MCU: variants seen among roughly 807,000 people sequenced by gnomAD.
MCU encodes calcium uniporter protein, mitochondrial.
Under a neutral mutation model 45.2 loss-of-function variants are expected in MCU, and 12 were observed. That is an observed-to-expected ratio of 0.27 (90% CI 0.17 to 0.43). The LOEUF (loss-of-function observed/expected upper bound fraction) is 0.43, where lower values mean the gene tolerates loss of function less well. MCU is among the 20% of genes least tolerant of loss of function. The pLI is 1.00. For synonymous variants in MCU, 160 were observed against 165.1 expected (o/e 0.97, Z 0.24); for missense variants, 324 against 436.7 (o/e 0.74, Z 2.30).
At chr10:72,795,276 A>T (rs546933779) in intron 1 of MCU, among the ~76,000 whole-genome samples, 2 of 152,224 alleles carry the variant, frequency 1.3e-5, no homozygotes, top group South Asian at 4.2e-4. Context: ...CACCTTCCTC[A>T]GGCCCACCCT....
rs568604718 is a variant in MCU, at chr10:72,713,315, TG to T, written c.150+21015del. Among the ~76,000 whole-genome samples the T allele has an allele frequency of 3.2e-3, 482 of 152,350 alleles. 5 individuals are homozygous for T. Among genetic ancestry groups the T allele is most frequent in the Non-Finnish European group, 4.8e-3 (327 of 68,034 alleles). On this transcript the variant is annotated intron_variant, in intron 1 of 7. Transcript: ENST00000373053. ...TGTTTTTGAGACGAAGTCTCACTCT[TG>T]TTCTCTAGGCTGGAATGCAGTGGCG...
At chr10:72,696,185 A>ATTT (rs1554818423) in intron 1 of MCU, among the ~76,000 whole-genome samples, 12 of 109,974 alleles carry the variant, frequency 1.1e-4, no homozygotes, top group Non-Finnish European at 1.7e-4. Context: ...AAAAAAAAAA[A>ATTT]TTTTTTTTTT....
intron 2 of MCU, among the ~76,000 whole-genome samples, chr10:72,841,982 A>C (rs373072245): frequency 2.0e-5 from 3 of 152,218 alleles, no homozygotes; most frequent in Non-Finnish European, 4.4e-5. Flanking sequence ...TGAGTAATCT[A>C]ATTCAAGACC....
chr10:72,759,080 G>A (rs978632994), intron 1 of MCU, among the ~76,000 whole-genome samples: 2 of 152,090 alleles, frequency 1.3e-5, no homozygotes, highest in African/African-American at 4.8e-5. Flanking sequence ...TAGTACTTCT[G>A]TTCATCTGTA....
At chr10:72,849,331 G>A (rs910819946) in intron 2 of MCU, among the ~76,000 whole-genome samples, 3 of 151,716 alleles carry the variant, frequency 2.0e-5, no homozygotes, top group African/African-American at 7.3e-5. Flanking sequence ...TAAGATATGA[G>A]GAATGTCAGA....
intron 1 of MCU, among the ~76,000 whole-genome samples, chr10:72,791,073 G>A (rs1021286940): frequency 6.6e-6 from 1 of 152,104 alleles, no homozygotes; most frequent in Non-Finnish European, 1.5e-5. Flanking sequence ...GTTGGGGAGA[G>A]GGGTGGCAAA....
At chr10:72,724,092 T>A (rs1843064544) in intron 1 of MCU, among the ~76,000 whole-genome samples, 1 of 152,244 alleles carries the variant, frequency 6.6e-6, no homozygotes, top group African/African-American at 2.4e-5. Flanking sequence ...ACTATATTTT[T>A]AAAAAATCAA....
rs1221272053 is a variant in MCU at position 72,730,307 on chromosome 10, CT to C, written c.150+38025del. ...GTTCTCCTATTGGTCCTTTCTTTTT[CT>C]TTTTTTTTTTTTTTTTTTGAGACGG... is the stretch of plus-strand genomic sequence containing the variant. On this transcript the variant is annotated intron_variant, in intron 1 of 7. Transcript: ENST00000373053. 8.3e-3 allele frequency among the ~76,000 whole-genome samples: 1,036 copies of C among 124,228 alleles called. 3 individuals carry two copies. Among genetic ancestry groups the C allele is most frequent in the African/African-American group, 0.02 (639 of 32,760 alleles). The allele number at this position is 124,228 out of a possible 152,430, so 81.5% of individuals were successfully genotyped here.
chr10:72,785,642 C>T (rs1009168776), intron 1 of MCU, among the ~76,000 whole-genome samples: 7 of 152,142 alleles, frequency 4.6e-5, no homozygotes, highest in Non-Finnish European at 7.4e-5. Flanking sequence ...GTAAAATTCT[C>T]CTGCTGGCTC....
At chr10:72,829,393 T>C (rs1441586781) in intron 1 of MCU, among the ~76,000 whole-genome samples, 2 of 151,370 alleles carry the variant, frequency 1.3e-5, no homozygotes, top group African/African-American at 2.4e-5. Flanking sequence ...ACTTTCTAAA[T>C]AATTAACTTT....
intron 1 of MCU, among the ~76,000 whole-genome samples, chr10:72,805,504 C>T (rs1196297213): frequency 6.6e-6 from 1 of 152,066 alleles, no homozygotes; most frequent in Non-Finnish European, 1.5e-5. Context: ...ACCTCAGCCT[C>T]CCAAAGTACT....
chr10:72,780,489 G>A (rs1341156699), intron 1 of MCU, among the ~76,000 whole-genome samples: 3 of 108,842 alleles, frequency 2.8e-5, no homozygotes, highest in East Asian at 1.1e-3. Context: ...TTATTTTAAT[G>A]TTCTGAAGTA....
At chr10:72,719,020 G>T (rs1283386145) in intron 1 of MCU, among the ~76,000 whole-genome samples, 2 of 152,148 alleles carry the variant, frequency 1.3e-5, no homozygotes, top group Non-Finnish European at 2.9e-5. Context: ...CTCCTGGGGT[G>T]CTAGTAATGT....
At chr10:72,860,213 C>A in intron 3 of MCU, 3 of 534,394 alleles carry the variant, frequency 5.6e-6, no homozygotes, top group Non-Finnish European at 1.0e-5. Context: ...ATATAGTTCA[C>A]AGGAAAAGCT....
At chr10:72,708,278 C>T (rs999422807) in intron 1 of MCU, 1 of 151,910 alleles carries the variant, frequency 6.6e-6, no homozygotes, top group Admixed American at 6.6e-5. Flanking sequence ...TCCAAATTGC[C>T]GAAGGGAGTG....
chr10:72,693,680 A>G (rs1842653251), intron 1 of MCU, among the ~76,000 whole-genome samples: 1 of 152,146 alleles, frequency 6.6e-6, no homozygotes, highest in South Asian at 2.1e-4. Flanking sequence ...ACCTCTTTTT[A>G]TTTGGCATAC....
At chr10:72,693,018 G>A (rs1328617535) in intron 1 of MCU, 2 of 1,536,166 alleles carry the variant, frequency 1.3e-6, no homozygotes, top group Non-Finnish European at 1.7e-6. Context: ...GTGTTCACGC[G>A]TGCCTGAAGC....
intron 1 of MCU, among the ~76,000 whole-genome samples, chr10:72,787,330 G>A (rs569068982): frequency 1.3e-5 from 2 of 152,274 alleles, no homozygotes; most frequent in South Asian, 2.1e-4. Context: ...GTGGAGTGGC[G>A]CAATCCCAGC....
At chr10:72,812,395 C>G (rs917652897) in intron 1 of MCU, among the ~76,000 whole-genome samples, 1 of 152,222 alleles carries the variant, frequency 6.6e-6, no homozygotes, top group African/African-American at 2.4e-5. Flanking sequence ...ATCCGCCCGC[C>G]TCGGCTTCCC....
Sources: allele counts gnomAD v4.1 joint callset (sites outside exome capture counted in the v4.1 genomes callset), GRCh38; gene constraint gnomAD v4.1.1; transcripts MANE v1.5; gene names NCBI Gene and HGNC (gene_info 2026-07-23, HGNC 2026-07-21).